Variants in ATG7 observed in about 807,000 individuals in gnomAD.
ATG7 encodes the protein autophagy related 7.
ATG7 carries 70 observed loss-of-function variants against 82.4 expected under a neutral mutation model. The observed-to-expected ratio is 0.85, with a 90% CI of 0.70 to 1.04. The LOEUF is 1.04. Among genes scored for constraint, ATG7 ranks in the 50% least tolerant of loss-of-function variants. The pLI is 0.00. For synonymous variants in ATG7, 287 were observed against 313.0 expected, an observed-to-expected ratio of 0.92 and a Z score of 0.88; for missense variants, 792 against 864.3, an observed-to-expected ratio of 0.92 and a Z score of 1.05.
chr3:11,508,752 T>C (rs144855565), intron 20 of ATG7, among the ~76,000 whole-genome samples: 7 of 152,326 alleles, frequency 4.6e-5, no homozygotes, highest in Non-Finnish European at 7.3e-5. Context: ...TGCACAGCCC[T>C]ATGTAGCCTA....
Position 11,307,804 on chromosome 3 carries a change from A to T in ATG7, c.333+744A>T, listed in dbSNP as rs558244290. 4.9e-4 allele frequency among the ~76,000 whole-genome samples: 75 copies of T among 152,288 alleles called. 1 individual carries two copies. The highest frequency in any genetic ancestry group is 1.4e-3 in the Admixed American group (22 of 15,296). ...AGTCTTTATACCAGTCTTTATCACG[A>T]CATGAATCTTGTTGGTGTGGGTGCA... On this transcript the variant is annotated intron_variant, in intron 6 of 20. Transcript: ENST00000693202.
chr3:11,307,153 C>G, intron 6 of ATG7, 93 bp downstream of exon 6: 1 of 1,185,606 alleles, frequency 8.4e-7, no homozygotes, highest in East Asian at 2.3e-5. Flanking sequence ...GCTGCAGAAA[C>G]TGGCATATGA....
At position 11,363,978 on chromosome 3, in the gene ATG7, T is replaced by C. The variant is rs538197246; in HGVS notation, c.1800-681T>C. 1.2e-4 allele frequency among the ~76,000 whole-genome samples: 19 copies of C among 152,302 alleles called. No homozygotes were observed. In the South Asian group the frequency reaches 3.5e-3, roughly 28 times the overall value. ...ATCTGTCATTTAAGTTTATTGCCAC[T>C]CTCTGACAGGAAGTATTTGGGATAA... On this transcript the variant is annotated intron_variant, in intron 17 of 20. Transcript: ENST00000693202.
rs575426985 is a variant in ATG7 at position 11,402,658 on chromosome 3, A to G, written c.1956+22606A>G. Among the ~76,000 whole-genome samples, 3 of 152,356 alleles carry G rather than the reference A, an allele frequency of 2.0e-5. No homozygotes were observed. The South Asian group carries it at 6.2e-4, about 32-fold the overall frequency. On this transcript the variant is annotated intron_variant, in intron 19 of 20. Coordinates refer to ENST00000693202, the MANE Select transcript of ATG7 (RefSeq NM_001349232.2). ...GGCAACATAGTGAAACCCCAGCTCC[A>G]AAAATATAAAATCACAGAATAGAAG...
At chr3:11,457,212 T>C (rs1291932890) in intron 20 of ATG7, among the ~76,000 whole-genome samples, 2 of 152,080 alleles carry the variant, frequency 1.3e-5, no homozygotes, top group African/African-American at 4.8e-5. Context: ...CTGTCTTTGG[T>C]TCTACCTTGG....
intron 19 of ATG7, among the ~76,000 whole-genome samples, chr3:11,399,474 G>A (rs1208086258): frequency 2.0e-5 from 3 of 152,186 alleles, no homozygotes; most frequent in Admixed American, 6.5e-5. Flanking sequence ...GAAAAGTAGA[G>A]AAATTATTAT....
intron 20 of ATG7, among the ~76,000 whole-genome samples, chr3:11,460,227 C>G (rs1238625385): frequency 6.6e-6 from 1 of 152,218 alleles, no homozygotes; most frequent in African/African-American, 2.4e-5. Flanking sequence ...TAGGCTCTAT[C>G]TGAACCTCCT....
At chr3:11,571,103 G>A in the ATG7 span, among the ~76,000 whole-genome samples, 28 of 152,268 alleles carry the variant, frequency 1.8e-4, no homozygotes, top group African/African-American at 5.8e-4. Flanking sequence ...GAAGTGTGTC[G>A]TGGGCAGGAA....
chr3:11,404,816 C>T (rs1354431230), intron 19 of ATG7, among the ~76,000 whole-genome samples: 1 of 152,058 alleles, frequency 6.6e-6, no homozygotes, highest in African/African-American at 2.4e-5. Flanking sequence ...ATAAAACCAT[C>T]AGATCTCGTG....
At chr3:11,533,093 G>A (rs1006824169) in intron 20 of ATG7, among the ~76,000 whole-genome samples, 5 of 152,200 alleles carry the variant, frequency 3.3e-5, no homozygotes, top group Non-Finnish European at 4.4e-5. Flanking sequence ...GCGCTGGTGC[G>A]CAGAGCAGAC....
downstream of ATG7, among the ~76,000 whole-genome samples, chr3:11,561,891 C>CTTTTTTTTT (rs35380668): frequency 1.1e-5 from 1 of 88,590 alleles, no homozygotes; most frequent in Non-Finnish European, 2.0e-5. Context: ...CTGCGCCAAA[C>CTTTTTTTTT]TTTTTTTTTT....
chr3:11,315,713 A>G (rs1236771159), intron 9 of ATG7, among the ~76,000 whole-genome samples: 1 of 152,050 alleles, frequency 6.6e-6, no homozygotes, highest in Admixed American at 6.6e-5. Context: ...AATAATTTTG[A>G]TACCTTACTC....
intron 20 of ATG7, among the ~76,000 whole-genome samples, chr3:11,518,991 A>T (rs2092360727): frequency 6.6e-6 from 1 of 152,160 alleles, no homozygotes; most frequent in African/African-American, 2.4e-5. Flanking sequence ...TTAAAAAAAA[A>T]ATCTTATATA....
At chr3:11,321,659 A>G (rs1167456329) in intron 9 of ATG7, among the ~76,000 whole-genome samples, 1 of 152,138 alleles carries the variant, frequency 6.6e-6, no homozygotes, top group Non-Finnish European at 1.5e-5. Flanking sequence ...TAGAGTAGGA[A>G]GGCCAGACTT....
At chr3:11,477,238 C>T (rs115439067) in intron 20 of ATG7, 1 of 1,280,988 alleles carries the variant, frequency 7.8e-7, no homozygotes. Flanking sequence ...ATTCCTCGCC[C>T]ATCTGATTCT....
At chr3:11,523,610 C>T (rs935651695) in intron 20 of ATG7, among the ~76,000 whole-genome samples, 5 of 152,208 alleles carry the variant, frequency 3.3e-5, no homozygotes, top group Admixed American at 1.3e-4. Context: ...ACCTGATTTA[C>T]GGTGTTGCTC....
intron 20 of ATG7, among the ~76,000 whole-genome samples, chr3:11,455,934 A>AC (rs2085664541): frequency 6.6e-6 from 1 of 151,644 alleles, no homozygotes; most frequent in African/African-American, 2.4e-5. Context: ...CCTTCTTTGA[A>AC]CCCCGATGGC....
At chr3:11,388,376 A>G (rs1397067780) in intron 19 of ATG7, among the ~76,000 whole-genome samples, 2 of 150,748 alleles carry the variant, frequency 1.3e-5, no homozygotes, top group Non-Finnish European at 2.9e-5. Context: ...AGCAGGGTGC[A>G]TTGACTTGAC....
intron 8 of ATG7, among the ~76,000 whole-genome samples, chr3:11,314,832 A>C (rs1443615460): frequency 1.3e-5 from 2 of 152,084 alleles, no homozygotes; most frequent in African/African-American, 4.8e-5. Context: ...CCAGCTACTC[A>C]GGAGGCTGAG....
Sources: gnomAD v4.1 joint callset for allele counts (sites outside exome capture counted in the v4.1 genomes callset) on GRCh38, gnomAD v4.1.1 for gene constraint, MANE v1.5 for transcripts, NCBI Gene and HGNC (gene_info 2026-07-23, HGNC 2026-07-21) for gene names.